DMD: variants seen among roughly 807,000 people sequenced by gnomAD.
DMD encodes the protein mutant dystrophin.
A neutral mutation model predicts 330.1 loss-of-function variants in DMD; 63 were observed. That is an observed-to-expected ratio of 0.19 (90% confidence interval 0.16 to 0.24). The LOEUF is 0.24. Among genes scored for constraint, DMD ranks in the 10% least tolerant of loss-of-function variants. The pLI, the probability that DMD is intolerant of heterozygous loss-of-function variation, is 1.00. For synonymous variants in DMD, 1,223 were observed against 959.8 expected (o/e 1.27, Z -5.07); for missense variants, 3,344 against 2,684.1 (o/e 1.25, Z -5.43).
intron 37 of DMD, among the ~76,000 whole-genome samples, chrX:32,351,772 T>C (rs1178498532): frequency 9.0e-6 from 1 of 110,729 alleles, no homozygotes; most frequent in Non-Finnish European, 1.9e-5. Context: ...AAGACCTGAC[T>C]GGTTAGCATT....
chrX:32,545,355 G>A, intron 16 of DMD, 21 bp from the exon 17 acceptor site: 1 of 1,203,646 alleles, frequency 8.3e-7, no homozygotes, highest in Non-Finnish European at 1.1e-6. Context: ...TATTGAAACA[G>A]AGGTCAGACA....
chrX:32,715,146 A>G (rs2065567164), intron 7 of DMD, among the ~76,000 whole-genome samples: 2 of 110,941 alleles, frequency 1.8e-5, no homozygotes, highest in Non-Finnish European at 1.9e-5. Context: ...TATTCTCTCT[A>G]TATAGTTATA....
chrX:32,679,682 T>A, intron 9 of DMD, among the ~76,000 whole-genome samples: 1 of 110,336 alleles, frequency 9.1e-6, no homozygotes, highest in Middle Eastern at 4.7e-3. Context: ...ATGGAAATAC[T>A]ATTTTGTTTA....
At chrX:33,043,001 C>G (rs1379402371) in intron 1 of DMD, among the ~76,000 whole-genome samples, 2 of 111,707 alleles carry the variant, frequency 1.8e-5, no homozygotes, top group African/African-American at 6.5e-5. Flanking sequence ...ATTTGCTATG[C>G]ACCGGACCCT....
At position 32,616,060 on chromosome X, in the gene DMD, G is replaced by T. The variant is rs747489883; in HGVS notation, c.1332-1607C>A. On this transcript the variant is annotated intron_variant, in intron 11 of 78. Coordinates refer to ENST00000357033, the MANE Select transcript of DMD (RefSeq NM_004006.3). ...TATTTTGTAGTATGCCTCTCAGTGG[G>T]GATTTGTCTGATTTTTTTTCCTCAT... Among the ~76,000 whole-genome samples, 243 of 110,313 alleles carry T rather than the reference G, an allele frequency of 2.2e-3. 1 individual carries two copies. The highest frequency in any genetic ancestry group is 7.7e-3 in the African/African-American group (234 of 30,384).
chrX:31,143,212 C>A (rs1267964986), intron 76 of DMD, among the ~76,000 whole-genome samples: 1 of 111,303 alleles, frequency 9.0e-6, no homozygotes, highest in African/African-American at 3.3e-5. Context: ...ATTGTAATCC[C>A]CATGTGCTGC....
chrX:31,688,311 C>A (rs749611579), intron 52 of DMD, among the ~76,000 whole-genome samples: 3 of 110,239 alleles, frequency 2.7e-5, no homozygotes, highest in East Asian at 2.8e-4. Context: ...CACAGAAATA[C>A]AAACTACCAT....
intron 50 of DMD, among the ~76,000 whole-genome samples, chrX:31,783,584 T>C (rs934134677): frequency 9.0e-6 from 1 of 110,954 alleles, no homozygotes; most frequent in Non-Finnish European, 1.9e-5. Context: ...CAATCAAAAT[T>C]TGTTGTTGTT....
At chrX:31,863,066 G>A (rs184501791) in intron 48 of DMD, among the ~76,000 whole-genome samples, 1 of 112,919 alleles carries the variant, frequency 8.9e-6, no homozygotes, top group East Asian at 2.8e-4. Flanking sequence ...TGTTGCGGCC[G>A]GGTGAGGTGG....
chrX:32,027,645 T>C lies in DMD; in HGVS notation c.6439-59131A>G, dbSNP rs150387822. ...TGTGGAGTCCCTTGAACTTGAGAGA[T>C]CCCTCAGATTACCGTGGCAGCCTCT... On this transcript the variant is annotated intron_variant, in intron 44 of 78. Coordinates refer to ENST00000357033, the MANE Select transcript of DMD (RefSeq NM_004006.3). Among the ~76,000 whole-genome samples, 405 of 111,943 alleles carry C rather than the reference T, an allele frequency of 3.6e-3. 2 individuals carry two copies. The highest frequency in any genetic ancestry group is 6.4e-3 in the Non-Finnish European group (340 of 53,130).
intron 52 of DMD, among the ~76,000 whole-genome samples, chrX:31,703,142 T>G (rs2083933017): frequency 9.0e-6 from 1 of 111,633 alleles, no homozygotes; most frequent in African/African-American, 3.3e-5. Context: ...ATCTTGGTCT[T>G]TCATCACTTA....
intron 1 of DMD, chrX:33,128,392 T>G: frequency 9.9e-7 from 1 of 1,005,976 alleles, no homozygotes; most frequent in Non-Finnish European, 1.3e-6. Context: ...CCGTGAATAG[T>G]GAGGTGTTCT....
Position 31,928,316 on chromosome X carries a change from A to G in DMD, c.6912+1280T>C, listed in dbSNP as rs770278781. Among the ~76,000 whole-genome samples, 5 of 111,978 alleles carry G rather than the reference A, an allele frequency of 4.5e-5. No individual in the cohort carries two copies. In the South Asian group the frequency reaches 1.9e-3, roughly 42 times the overall value. ...GACTGTCTGGTTGGAGTAATAAAAA[A>G]TTTTGGAGGCTGGGCGCGGTGGCTC... is the stretch of plus-strand genomic sequence containing the variant. On this transcript the variant is annotated intron_variant, in intron 47 of 78. Transcript: ENST00000357033.
intron 13 of DMD, among the ~76,000 whole-genome samples, chrX:32,595,342 C>A (rs927126608): frequency 7.2e-5 from 8 of 111,537 alleles, no homozygotes; most frequent in African/African-American, 2.3e-4. Context: ...ACAAGCATCA[C>A]CTTGGATGAA....
At chrX:31,382,000 C>T in intron 60 of DMD, among the ~76,000 whole-genome samples, 1 of 111,662 alleles carries the variant, frequency 9.0e-6, no homozygotes, top group Non-Finnish European at 1.9e-5. Context: ...GACACTTTCA[C>T]TGGATAGGTA....
chrX:31,849,610 A>G (rs1238165740), intron 48 of DMD, among the ~76,000 whole-genome samples: 2 of 111,057 alleles, frequency 1.8e-5, no homozygotes, highest in Non-Finnish European at 1.9e-5. Context: ...GCCAGAGAAA[A>G]GAAGGATCTT....
intron 2 of DMD, among the ~76,000 whole-genome samples, chrX:32,993,407 C>G (rs1272581724): frequency 9.1e-6 from 1 of 110,148 alleles, no homozygotes; most frequent in East Asian, 2.9e-4. Flanking sequence ...AGTTCAAGAC[C>G]AGCCTGGGCA....
At chrX:32,703,275 A>G (rs2064300749) in intron 7 of DMD, among the ~76,000 whole-genome samples, 1 of 111,626 alleles carries the variant, frequency 9.0e-6, no homozygotes. Flanking sequence ...CCTCTTATTT[A>G]AGATGTTATG....
intron 2 of DMD, among the ~76,000 whole-genome samples, chrX:32,941,867 ACT>A (rs60936539): frequency 0.27 from 29,796 of 109,772 alleles, 4,312 homozygotes; most frequent in African/African-American, 0.56. Flanking sequence ...ATATCATACA[ACT>A]CTCTTTTTAA....
Sources: allele counts gnomAD v4.1 joint callset (sites outside exome capture counted in the v4.1 genomes callset), GRCh38; gene constraint gnomAD v4.1.1; transcripts MANE v1.5; gene names NCBI Gene and HGNC (gene_info 2026-07-23, HGNC 2026-07-21).